The following XIRP2 variants were observed in gnomAD, a reference collection of about 807,000 sequenced individuals.
The protein encoded by XIRP2 is xin actin-binding repeat-containing protein 2.
A neutral mutation model predicts 277.0 loss-of-function variants in XIRP2; 236 were observed. That is an observed-to-expected ratio of 0.85 (90% CI 0.77 to 0.95). XIRP2 has a LOEUF of 0.95. Ranked by LOEUF, XIRP2 falls within the 40% of genes least tolerant of loss-of-function variation. XIRP2 has a pLI of 0.00. For synonymous variants in XIRP2, 1,490 were observed against 1,416.5 expected (o/e 1.05, Z -1.17); for missense variants, 4,640 against 4,157.5 (o/e 1.12, Z -3.19).
rs190846715 is a variant in XIRP2, at chr2:167,090,604, T to G, written c.409-45305T>G. 2.9e-3 allele frequency among the ~76,000 whole-genome samples: 445 copies of G among 152,276 alleles called. 5 individuals are homozygous for G. Among genetic ancestry groups the G allele is most frequent in the African/African-American group, 0.01 (424 of 41,524 alleles). ...AGGTGATTTATGTTTAAAAGAGATT[T>G]ATTTAGCTCATGTTTTGCAGGCTGA... is the stretch of plus-strand genomic sequence containing the variant. On this transcript the variant is annotated intron_variant, in intron 2 of 10. Transcript: ENST00000409195.
At chr2:166,953,366 C>T (rs911445464) in intron 2 of XIRP2, among the ~76,000 whole-genome samples, 6 of 151,838 alleles carry the variant, frequency 4.0e-5, no homozygotes, top group Non-Finnish European at 7.4e-5. Flanking sequence ...TGATAAGTCT[C>T]ACAAGATCTG....
chr2:167,190,133 G>C (rs369378520), intron 3 of XIRP2, among the ~76,000 whole-genome samples: 1 of 152,148 alleles, frequency 6.6e-6, no homozygotes. Context: ...TTCTTCTAAC[G>C]AGCTATCCCC....
intron 9 of XIRP2, 81 bp downstream of exon 9, chr2:167,252,028 AAG>A: frequency 6.7e-7 from 1 of 1,495,554 alleles, no homozygotes; most frequent in Non-Finnish European, 8.8e-7. Flanking sequence ...TACAGTTAAA[AAG>A]AGTGCGTGGA....
chr2:167,096,713 T>C (rs1690328338), intron 2 of XIRP2, among the ~76,000 whole-genome samples: 1 of 152,208 alleles, frequency 6.6e-6, no homozygotes, highest in Admixed American at 6.5e-5. Context: ...AATACTGCTT[T>C]AGCTTTGTCC....
intron 2 of XIRP2, among the ~76,000 whole-genome samples, chr2:166,910,044 G>T (rs926521875): frequency 2.6e-5 from 4 of 152,166 alleles, no homozygotes; most frequent in Non-Finnish European, 5.9e-5. Context: ...AGGCATCAAT[G>T]TTCATCAGAG....
intron 3 of XIRP2, among the ~76,000 whole-genome samples, chr2:167,188,696 C>T (rs775133399): frequency 5.9e-5 from 9 of 152,198 alleles, no homozygotes; most frequent in African/African-American, 1.2e-4. Context: ...TTTCTTCTTG[C>T]TAGCAACATA....
intron 4 of XIRP2, among the ~76,000 whole-genome samples, chr2:167,214,757 C>T (rs573861815): frequency 6.6e-5 from 10 of 151,976 alleles, no homozygotes; most frequent in South Asian, 2.1e-4. Context: ...TTAGTAGAGA[C>T]GGGGTTTCCC....
intron 2 of XIRP2, among the ~76,000 whole-genome samples, chr2:167,007,543 G>T (rs1363836134): frequency 1.3e-5 from 2 of 151,754 alleles, no homozygotes; most frequent in East Asian, 3.9e-4. Context: ...TGCAGCAACT[G>T]TATCACCCTG....
chr2:167,099,028 G>A (rs1690412540), intron 2 of XIRP2, among the ~76,000 whole-genome samples: 1 of 152,166 alleles, frequency 6.6e-6, no homozygotes, highest in Admixed American at 6.5e-5. Context: ...CAGAGCTAAA[G>A]CACTATGCTG....
At chr2:166,901,926 A>G (rs966231219) in intron 1 of XIRP2, among the ~76,000 whole-genome samples, 5 of 152,148 alleles carry the variant, frequency 3.3e-5, no homozygotes, top group African/African-American at 1.2e-4. Flanking sequence ...GCTGAGGTAT[A>G]GTATCAATAT....
chr2:167,241,704 C>T lies in XIRP2; in HGVS notation c.1043-73C>T, dbSNP rs139313457. ...GGATTACAGGAATGAGCCACCATGCCCAGCCATAATTTCTTCTTAAACATA... is the reference window on the plus strand; with the variant it reads ...GGATTACAGGAATGAGCCACCATGCTCAGCCATAATTTCTTCTTAAACATA... On this transcript the variant is annotated intron_variant, in intron 7 of 10. Coordinates refer to ENST00000409195, the MANE Select transcript of XIRP2 (RefSeq NM_152381.6). 2.3e-5 allele frequency: 35 copies of T among 1,498,312 alleles called. No homozygotes were observed. In the African/African-American group the frequency reaches 2.4e-4, roughly 10 times the overall value. The allele number at this position is 1,498,312 out of a possible 1,614,324, so 92.8% of individuals were successfully genotyped here. A position where few individuals can be genotyped will look rare whatever the true frequency, so the allele number is the denominator to read the frequency against.
In XIRP2 at chr2:167,258,175, G is replaced by A. The variant is rs774306172; in HGVS notation, c.*358G>A. 1 of 1,612,958 alleles carries A rather than the reference G, an allele frequency of 6.2e-7. No homozygotes were observed. Among genetic ancestry groups the A allele is most frequent in the South Asian group, 1.1e-5 (1 of 91,066 alleles). ...TAAAAGTCATTTGGCCTCCTTCCAA[G>A]GAGATCCCTAAGAAAACCTTACCCT... On this transcript the variant is annotated 3_prime_UTR_variant, in exon 11 of 11. Coordinates refer to ENST00000409195, the MANE Select transcript of XIRP2 (RefSeq NM_152381.6).
At chr2:167,220,694 T>C (rs1344265556) in intron 5 of XIRP2, among the ~76,000 whole-genome samples, 1 of 152,184 alleles carries the variant, frequency 6.6e-6, no homozygotes, top group Non-Finnish European at 1.5e-5. Context: ...CCGAATGGAA[T>C]ATACATGCTC....
chr2:167,066,808 C>A (rs80111060), intron 2 of XIRP2, among the ~76,000 whole-genome samples: 11,267 of 152,084 alleles, frequency 0.074, 485 homozygotes, highest in South Asian at 0.17. Flanking sequence ...GCATTAAAAG[C>A]AAAGGTAGCC....
chr2:167,025,954 G>A (rs1688142845), intron 2 of XIRP2, among the ~76,000 whole-genome samples: 1 of 152,154 alleles, frequency 6.6e-6, no homozygotes, highest in Admixed American at 6.6e-5. Context: ...GGAGAGTTCT[G>A]TAAATGTCTA....
intron 3 of XIRP2, among the ~76,000 whole-genome samples, chr2:167,176,557 C>G (rs1032262373): frequency 6.6e-6 from 1 of 152,134 alleles, no homozygotes; most frequent in Non-Finnish European, 1.5e-5. Context: ...TGGTAGGTCA[C>G]GTGTTCTTGC....
chr2:167,173,536 G>C (rs1302629221), intron 3 of XIRP2, among the ~76,000 whole-genome samples: 2 of 152,152 alleles, frequency 1.3e-5, no homozygotes, highest in African/African-American at 4.8e-5. Flanking sequence ...ATCTGTTGAT[G>C]GACATTTAGG....
intron 2 of XIRP2, among the ~76,000 whole-genome samples, chr2:166,956,853 T>A (rs947038069): frequency 6.6e-6 from 1 of 151,784 alleles, no homozygotes; most frequent in African/African-American, 2.4e-5. Flanking sequence ...ATGAGGGAAA[T>A]GTGTCACAAG....
chr2:167,168,824 C>T (rs568251421), intron 3 of XIRP2, among the ~76,000 whole-genome samples: 5 of 152,252 alleles, frequency 3.3e-5, no homozygotes, highest in South Asian at 4.1e-4. Context: ...CCCTGTTAGC[C>T]AGGATGATCT....
Sources: allele counts gnomAD v4.1 joint callset (sites outside exome capture counted in the v4.1 genomes callset), GRCh38; gene constraint gnomAD v4.1.1; transcripts MANE v1.5; gene names NCBI Gene and HGNC (gene_info 2026-07-23, HGNC 2026-07-21).